Variants in DLG2 observed in about 807,000 individuals in gnomAD.
DLG2 encodes the protein disks large homolog 2.
DLG2 carries 45 observed loss-of-function variants against 132.5 expected under a neutral mutation model. The observed-to-expected ratio is 0.34, with a 90% CI of 0.27 to 0.44. The LOEUF (loss-of-function observed/expected upper bound fraction) is 0.44, where lower values mean the gene tolerates loss of function less well. DLG2 is among the 20% of genes least tolerant of loss of function. The pLI is 1.00. For synonymous variants in DLG2, 424 were observed against 419.6 expected, an observed-to-expected ratio of 1.01 and a Z score of -0.13; for missense variants, 1,045 against 1,196.9, an observed-to-expected ratio of 0.87 and a Z score of 1.87.
chr11:85,561,588 G>A (rs1205827458), intron 3 of DLG2, among the ~76,000 whole-genome samples: 1 of 151,586 alleles, frequency 6.6e-6, no homozygotes, highest in African/African-American at 2.4e-5. Context: ...AAGCATGTTT[G>A]GCAATAACCA....
intron 6 of DLG2, among the ~76,000 whole-genome samples, chr11:84,895,359 G>A (rs941946988): frequency 1.3e-5 from 2 of 152,060 alleles, no homozygotes; most frequent in Admixed American, 6.6e-5. Context: ...GATATAATCA[G>A]TAACCTGTTT....
intron 6 of DLG2, among the ~76,000 whole-genome samples, chr11:84,725,622 T>G (rs947717397): frequency 6.6e-6 from 1 of 152,166 alleles, no homozygotes; most frequent in Admixed American, 6.5e-5. Context: ...TAACAAAGTA[T>G]ATACAATTAA....
chr11:85,512,668 T>G (rs540140583), intron 3 of DLG2, among the ~76,000 whole-genome samples: 1 of 152,160 alleles, frequency 6.6e-6, no homozygotes, highest in African/African-American at 2.4e-5. Flanking sequence ...AGTAACAACT[T>G]TTTAATAAAA....
chr11:84,314,102 T>C lies in DLG2; in HGVS notation c.520-62811A>G, dbSNP rs531700912. Among the ~76,000 whole-genome samples, 11 of 152,294 alleles carry C rather than the reference T, an allele frequency of 7.2e-5. No homozygotes were observed. The East Asian group carries it at 2.1e-3, about 29-fold the overall frequency. ...TCAAGTCATTACTATGGCCCTCTGT[T>C]ATAGCAGCTGGAAATCACACTGCTG... On this transcript the variant is annotated intron_variant, in intron 7 of 27. Coordinates refer to ENST00000376104, the MANE Select transcript of DLG2 (RefSeq NM_001142699.3).
intron 6 of DLG2, among the ~76,000 whole-genome samples, chr11:84,575,824 T>C (rs1433807334): frequency 1.3e-5 from 2 of 152,218 alleles, no homozygotes; most frequent in African/African-American, 4.8e-5. Context: ...TCTTCAGACT[T>C]GAGATTATTT....
chr11:83,469,616 G>A (rs2091734398), intron 24 of DLG2, among the ~76,000 whole-genome samples: 1 of 152,126 alleles, frequency 6.6e-6, no homozygotes, highest in Admixed American at 6.5e-5. Flanking sequence ...TAATCTTTGA[G>A]AAAAGAGAAA....
At chr11:84,932,514 C>A (rs1199816062) in intron 6 of DLG2, among the ~76,000 whole-genome samples, 1 of 152,060 alleles carries the variant, frequency 6.6e-6, no homozygotes, top group Non-Finnish European at 1.5e-5. Flanking sequence ...CACCCCTCAC[C>A]CCCACCACAC....
chr11:83,508,546 A>G (rs976553697), intron 21 of DLG2, among the ~76,000 whole-genome samples: 22 of 151,432 alleles, frequency 1.5e-4, no homozygotes, highest in African/African-American at 5.1e-4. Flanking sequence ...CCTGGCCAGA[A>G]TATACATTCT....
At chr11:83,972,608 T>G (rs1339083186) in intron 12 of DLG2, among the ~76,000 whole-genome samples, 1 of 152,112 alleles carries the variant, frequency 6.6e-6, no homozygotes, top group African/African-American at 2.4e-5. Flanking sequence ...ATATAAATAG[T>G]TGGCACTTAA....
At chr11:83,689,720 G>A (rs927792425) in intron 18 of DLG2, among the ~76,000 whole-genome samples, 6 of 151,750 alleles carry the variant, frequency 4.0e-5, no homozygotes, top group African/African-American at 1.2e-4. Flanking sequence ...AAACACTTGT[G>A]TCATTGTGAA....
intron 3 of DLG2, among the ~76,000 whole-genome samples, chr11:85,529,987 GT>G (rs59507021): frequency 2.9e-3 from 328 of 113,122 alleles, no homozygotes; most frequent in Middle Eastern, 0.017. Context: ...GAGAGGGTTT[GT>G]TTTTTTTTTT....
chr11:85,146,131 T>C (rs961651429), intron 5 of DLG2, among the ~76,000 whole-genome samples: 1 of 152,092 alleles, frequency 6.6e-6, no homozygotes, highest in African/African-American at 2.4e-5. Flanking sequence ...GGGTAAGATC[T>C]GGGGAATTCC....
In DLG2 at chr11:84,024,816, T is replaced by C. The variant is rs568579467; in HGVS notation, c.919+34499A>G. Among the ~76,000 whole-genome samples, 5 of 147,024 alleles carry C rather than the reference T, an allele frequency of 3.4e-5. No homozygotes were observed. The South Asian group carries it at 6.4e-4, about 19-fold the overall frequency. Reference sequence around the variant, plus strand: ...CAGACAGGGGGAATATATTTTTTCTTTTTTTTTTTTTGGGTTCTATTGCCA... The same window carrying C: ...CAGACAGGGGGAATATATTTTTTCTCTTTTTTTTTTTGGGTTCTATTGCCA... On this transcript the variant is annotated intron_variant, in intron 11 of 27. Coordinates refer to ENST00000376104, the MANE Select transcript of DLG2 (RefSeq NM_001142699.3).
In DLG2 at chr11:83,666,749, G is replaced by A. The variant is rs75395095; in HGVS notation, c.1826-33424C>T. On this transcript the variant is annotated intron_variant, in intron 18 of 27. Transcript: ENST00000376104. ...CAAGCACAAGACTCCACCATGAGTT[G>A]AAAAGAACTGATACCCAAGAGAGGT... 5.5e-4 allele frequency among the ~76,000 whole-genome samples: 83 copies of A among 152,280 alleles called. No individual in the cohort carries two copies. The East Asian group carries it at 0.014, about 25-fold the overall frequency.
intron 7 of DLG2, among the ~76,000 whole-genome samples, chr11:84,520,100 G>A (rs2099291036): frequency 6.6e-6 from 1 of 152,122 alleles, no homozygotes; most frequent in Non-Finnish European, 1.5e-5. Context: ...ATGACAGGAA[G>A]CTCACTACCT....
intron 18 of DLG2, among the ~76,000 whole-genome samples, chr11:83,663,608 TGAAA>T (rs1397641010): frequency 1.3e-5 from 2 of 152,226 alleles, no homozygotes; most frequent in Non-Finnish European, 2.9e-5. Flanking sequence ...AATAAATGAA[TGAAA>T]GTTCACTGGT....
Position 84,344,094 on chromosome 11 carries a change from G to T in DLG2, c.520-92803C>A, listed in dbSNP as rs538428360. 2.6e-5 allele frequency among the ~76,000 whole-genome samples: 4 copies of T among 152,232 alleles called. 1 individual carries two copies. The highest frequency in any genetic ancestry group is 9.6e-5 in the African/African-American group (4 of 41,548). On this transcript the variant is annotated intron_variant, in intron 7 of 27. Coordinates refer to ENST00000376104, the MANE Select transcript of DLG2 (RefSeq NM_001142699.3). Reference sequence around the variant, plus strand: ...CCTATCAAATATTTATTTAAAGTCAGAGAAGAATGAAGAAATAAAGACAAC... The same window carrying T: ...CCTATCAAATATTTATTTAAAGTCATAGAAGAATGAAGAAATAAAGACAAC...
At chr11:83,474,908 G>C (rs897192370) in intron 22 of DLG2, among the ~76,000 whole-genome samples, 2 of 152,160 alleles carry the variant, frequency 1.3e-5, no homozygotes, top group Non-Finnish European at 2.9e-5. Flanking sequence ...TTTGATGTCA[G>C]TGTGTATGAT....
intron 3 of DLG2, among the ~76,000 whole-genome samples, chr11:85,488,103 C>T (rs1373203784): frequency 1.3e-5 from 2 of 152,260 alleles, no homozygotes; most frequent in East Asian, 1.9e-4. Context: ...GTAAGAAGTG[C>T]CTTTTGGCTG....
Sources: allele counts gnomAD v4.1 joint callset (sites outside exome capture counted in the v4.1 genomes callset), GRCh38; gene constraint gnomAD v4.1.1; transcripts MANE v1.5; gene names NCBI Gene and HGNC (gene_info 2026-07-23, HGNC 2026-07-21).